ZMIZ1: variants seen among roughly 807,000 people sequenced by gnomAD.
The protein encoded by ZMIZ1 is zinc finger MIZ-type containing 1.
A neutral mutation model predicts 113.9 loss-of-function variants in ZMIZ1; 17 were observed. That is an observed-to-expected ratio of 0.15 (90% CI 0.10 to 0.22). The LOEUF (loss-of-function observed/expected upper bound fraction) is 0.22. Ranked by LOEUF, ZMIZ1 falls within the 10% of genes least tolerant of loss-of-function variation. The pLI is 1.00. For missense variants in ZMIZ1, 1,059 were observed against 1,477.8 expected (o/e 0.72, Z 4.65); for synonymous variants, 607 against 603.1 (o/e 1.01, Z -0.09).
intron 1 of ZMIZ1, among the ~76,000 whole-genome samples, chr10:79,081,831 ATG>A (rs1416497199): frequency 6.6e-6 from 1 of 152,238 alleles, no homozygotes. Flanking sequence ...AGCACGTTGC[ATG>A]CTGTCCAGTA....
intron 7 of ZMIZ1, among the ~76,000 whole-genome samples, chr10:79,257,034 G>A (rs995759590): frequency 3.3e-5 from 5 of 152,236 alleles, no homozygotes; most frequent in African/African-American, 1.2e-4. Context: ...AGACCCACAT[G>A]AGACAGACTG....
intron 1 of ZMIZ1, among the ~76,000 whole-genome samples, chr10:79,072,167 AGG>A (rs1401666421): frequency 6.6e-6 from 1 of 152,140 alleles, no homozygotes; most frequent in African/African-American, 2.4e-5. Context: ...TCCTAAGCAA[AGG>A]GGGGAGGAGG....
intron 7 of ZMIZ1, among the ~76,000 whole-genome samples, chr10:79,221,734 G>A (rs1201198665): frequency 1.3e-5 from 2 of 152,228 alleles, no homozygotes; most frequent in Non-Finnish European, 2.9e-5. Context: ...AAGCCATATG[G>A]CCTCAGCTGA....
intron 1 of ZMIZ1, among the ~76,000 whole-genome samples, chr10:79,115,415 G>A (rs1182308785): frequency 6.6e-6 from 1 of 152,216 alleles, no homozygotes; most frequent in Non-Finnish European, 1.5e-5. Flanking sequence ...AAGGGTCCTG[G>A]AGGTAGAAGG....
At chr10:79,284,275 A>G (rs1429209371) in intron 8 of ZMIZ1, among the ~76,000 whole-genome samples, 1 of 152,198 alleles carries the variant, frequency 6.6e-6, no homozygotes, top group African/African-American at 2.4e-5. Context: ...AAATACGTGA[A>G]AAAAGTGCTG....
chr10:79,185,025 A>G (rs915081028), intron 4 of ZMIZ1, among the ~76,000 whole-genome samples: 2 of 152,098 alleles, frequency 1.3e-5, no homozygotes. Flanking sequence ...CAGAGCCCAT[A>G]TTTTTGCAGA....
intron 7 of ZMIZ1, among the ~76,000 whole-genome samples, chr10:79,231,115 GA>G (rs1589452859): frequency 6.6e-6 from 1 of 152,250 alleles, no homozygotes; most frequent in African/African-American, 2.4e-5. Flanking sequence ...TGAAGATACA[GA>G]AGTGATCAGG....
At chr10:79,124,327 G>A (rs1844423213) in intron 2 of ZMIZ1, among the ~76,000 whole-genome samples, 1 of 152,202 alleles carries the variant, frequency 6.6e-6, no homozygotes, top group South Asian at 2.1e-4. Flanking sequence ...CTATCCTGTT[G>A]TACAAATGAG....
At chr10:79,217,591 T>C (rs1163814275) in intron 7 of ZMIZ1, among the ~76,000 whole-genome samples, 1 of 152,258 alleles carries the variant, frequency 6.6e-6, no homozygotes, top group Non-Finnish European at 1.5e-5. Flanking sequence ...CAGTCAGTTC[T>C]TTGGAGTGTA....
chr10:79,123,489 G>A (rs1379644457), intron 2 of ZMIZ1, among the ~76,000 whole-genome samples: 1 of 152,180 alleles, frequency 6.6e-6, no homozygotes, highest in African/African-American at 2.4e-5. Flanking sequence ...AGTGGAGGTG[G>A]CAGTAGCGGG....
chr10:79,137,830 G>GT (rs1845075924), intron 2 of ZMIZ1, among the ~76,000 whole-genome samples: 1 of 150,052 alleles, frequency 6.7e-6, no homozygotes, highest in African/African-American at 2.5e-5. Flanking sequence ...CTCGGCTGGG[G>GT]GGGGGGTGCT....
At chr10:79,281,212 G>T (rs1238896540) in intron 8 of ZMIZ1, among the ~76,000 whole-genome samples, 2 of 152,232 alleles carry the variant, frequency 1.3e-5, no homozygotes, top group Admixed American at 1.3e-4. Context: ...GGGTTAAACA[G>T]AGATGAGGTA....
At chr10:79,159,098 C>T (rs1846008469) in intron 3 of ZMIZ1, among the ~76,000 whole-genome samples, 1 of 152,228 alleles carries the variant, frequency 6.6e-6, no homozygotes, top group South Asian at 2.1e-4. Flanking sequence ...GTCCCTGCCT[C>T]ATGGGGAGAT....
intron 1 of ZMIZ1, among the ~76,000 whole-genome samples, chr10:79,112,829 A>G (rs562265372): frequency 6.6e-6 from 1 of 152,236 alleles, no homozygotes; most frequent in South Asian, 2.1e-4. Context: ...AGCAAATTTA[A>G]TTTCTTCTGA....
At chr10:79,220,257 A>G (rs1848910777) in intron 7 of ZMIZ1, among the ~76,000 whole-genome samples, 1 of 152,172 alleles carries the variant, frequency 6.6e-6, no homozygotes, top group Non-Finnish European at 1.5e-5. Context: ...CTGGGGGCCA[A>G]GTAAATATGA....
chr10:79,208,314 G>A (rs745340538), intron 5 of ZMIZ1, 22 bp from the exon 6 acceptor site: 13 of 1,609,928 alleles, frequency 8.1e-6, no homozygotes, highest in Non-Finnish European at 6.8e-6. Context: ...AGCCTCAGCC[G>A]CCTCCTTTTC....
intron 7 of ZMIZ1, among the ~76,000 whole-genome samples, chr10:79,222,234 T>C (rs1267370466): frequency 6.6e-6 from 1 of 152,204 alleles, no homozygotes; most frequent in Non-Finnish European, 1.5e-5. Context: ...TTAGGAAATT[T>C]GTACAACAGA....
chr10:79,297,756 G>A lies in ZMIZ1; in HGVS notation c.1491+66G>A. ...GTTGTTGCCTCTAAAGGTTCTCACT[G>A]TTCCTGCTCCAGCCTCTCTGGACAT... On this transcript the variant is annotated intron_variant, in intron 14 of 24. Coordinates refer to ENST00000334512, the MANE Select transcript of ZMIZ1 (RefSeq NM_020338.4). 9.8e-6 allele frequency: 14 copies of A among 1,429,880 alleles called. No homozygotes were observed. In the South Asian group the frequency reaches 1.5e-4, roughly 15 times the overall value. 88.6% of individuals were successfully genotyped at this position (1,429,880 alleles called of 1,614,324 possible).
At chr10:79,098,617 C>T (rs1843250601) in intron 1 of ZMIZ1, among the ~76,000 whole-genome samples, 1 of 152,218 alleles carries the variant, frequency 6.6e-6, no homozygotes, top group South Asian at 2.1e-4. Context: ...ACCTGAAAGC[C>T]ATACAGTGAG....
Sources: allele counts gnomAD v4.1 joint callset (sites outside exome capture counted in the v4.1 genomes callset), GRCh38; gene constraint gnomAD v4.1.1; transcripts MANE v1.5; gene names NCBI Gene and HGNC (gene_info 2026-07-23, HGNC 2026-07-21).